The following UNC13A variants were observed in gnomAD, a reference collection of about 807,000 sequenced individuals.
The protein encoded by UNC13A is unc-13 homolog A, also known as protein unc-13 homolog A.
In UNC13A, 61 loss-of-function variants were observed where a neutral mutation model predicts 219.7. That is an observed-to-expected ratio of 0.28 (90% CI 0.23 to 0.34). UNC13A has a LOEUF of 0.34. Among genes scored for constraint, UNC13A ranks in the 10% least tolerant of loss-of-function variants. The pLI is 1.00. For synonymous variants in UNC13A, 920 were observed against 884.6 expected (o/e 1.04, Z -0.71); for missense variants, 1,476 against 2,270.3 (o/e 0.65, Z 7.11).
chr19:17,687,162 C>A (rs990644049), intron 1 of UNC13A, among the ~76,000 whole-genome samples: 1 of 152,152 alleles, frequency 6.6e-6, no homozygotes, highest in African/African-American at 2.4e-5. Flanking sequence ...GGGCTGGCTT[C>A]CCCACGACCC....
At position 17,666,696 on chromosome 19, in the gene UNC13A, G is replaced by T; in HGVS notation, c.477C>A (p.Phe159Leu). The change falls in exon 7 of 44, where the codon TTC (phenylalanine) becomes TTA (leucine). Residue 159 changes from phenylalanine to leucine, a missense_variant. By Grantham distance (22) the Phe-to-Leu change is conservative (BLOSUM62 0). Coordinates refer to ENST00000519716, the MANE Select transcript of UNC13A (RefSeq NM_001080421.3). ...GCAGAGGCTTGTCTTGCTCATCTTG[G>T]AACGAATACTGAAGGGGTGGAGGAA... The part of the protein sequence containing the change: ...NAMRDQDEYS[F>L]QDEQDKPLPV... 6.5e-7 allele frequency: 1 copy of T among 1,533,044 alleles called. No homozygotes were observed. Among genetic ancestry groups the T allele is most frequent in the East Asian group, 2.5e-5 (1 of 40,336 alleles). 95.0% of individuals were successfully genotyped at this position (1,533,044 alleles called of 1,614,324 possible).
chr19:17,628,322 A>AC, intron 31 of UNC13A: 2 of 160,604 alleles, frequency 1.2e-5, no homozygotes, highest in Admixed American at 6.8e-5. Flanking sequence ...GTGTGCCCTC[A>AC]CCCCGAGATA....
intron 19 of UNC13A, among the ~76,000 whole-genome samples, chr19:17,644,932 T>C (rs147050927): frequency 6.6e-5 from 10 of 151,986 alleles, no homozygotes; most frequent in Non-Finnish European, 1.3e-4. Context: ...ACTCAAGTGA[T>C]TGGCCTGCCT....
At chr19:17,662,084 A>C (rs959769061) in intron 8 of UNC13A, among the ~76,000 whole-genome samples, 3 of 152,104 alleles carry the variant, frequency 2.0e-5, no homozygotes, top group African/African-American at 7.2e-5. Context: ...TCTACTAAAA[A>C]TACAAAAAAT....
At chr19:17,646,588 G>A (rs1228470735) in intron 17 of UNC13A, among the ~76,000 whole-genome samples, 1 of 152,002 alleles carries the variant, frequency 6.6e-6, no homozygotes, top group Non-Finnish European at 1.5e-5. Flanking sequence ...TTGCGCATGG[G>A]TAGGACCTCT....
chr19:17,602,199 A>T lies in UNC13A; in HGVS notation c.*3855T>A, dbSNP rs537800196. ...CAAATCATTCGAGGACAGACTGGTAAGAGTGAACAGATCCTTCTTTCTTCA... is the reference window on the plus strand; with the variant it reads ...CAAATCATTCGAGGACAGACTGGTATGAGTGAACAGATCCTTCTTTCTTCA... On this transcript the variant is annotated 3_prime_UTR_variant, in exon 44 of 44. Transcript: ENST00000519716. 2.0e-5 allele frequency: 3 copies of T among 152,670 alleles called. No homozygotes were observed. The highest frequency in any genetic ancestry group is 4.8e-5 in the African/African-American group (2 of 41,416). The allele number at this position is 152,670 out of a possible 1,614,324, so 9.5% of individuals were successfully genotyped here.
chr19:17,632,697 G>C (rs890130619), intron 28 of UNC13A, 85 bp downstream of exon 28: 1 of 1,596,614 alleles, frequency 6.3e-7, no homozygotes, highest in Non-Finnish European at 8.5e-7. Flanking sequence ...GTAACCCTAA[G>C]TAGGTCAGTC....
At chr19:17,647,201 GGGCATGAGACA>G (rs1378137076) in intron 17 of UNC13A, 53 bp downstream of exon 17, 3 of 1,431,534 alleles carry the variant, frequency 2.1e-6, no homozygotes, top group Non-Finnish European at 2.9e-6. Context: ...CCATGGGACA[GGGCATGAGACA>G]GGTCTCAGAG....
At chr19:17,671,453 ATTGGG>A (rs1408764209) in intron 4 of UNC13A, among the ~76,000 whole-genome samples, 1 of 151,912 alleles carries the variant, frequency 6.6e-6, no homozygotes, top group Non-Finnish European at 1.5e-5. Flanking sequence ...GAGGCCAGGG[ATTGGG>A]CTGTGGGGAC....
chr19:17,630,166 G>A lies in UNC13A; in HGVS notation c.3648C>T (p.His1216=), dbSNP rs773702967. 2 of 1,552,040 alleles carry A rather than the reference G, an allele frequency of 1.3e-6. No individual in the cohort carries two copies. The highest frequency in any genetic ancestry group is 2.4e-5 in the South Asian group (2 of 84,062). Residue 1216 remains histidine (H), a synonymous_variant, in exon 30 of 44, where the codon CAC becomes CAT. Transcript: ENST00000519716. Reference sequence around the variant, plus strand: ...ACACCTTGGCAAAGCGCCTCATGTAGTGCCCCACGATCTGAGGGTCGGGAC... The same window carrying A: ...ACACCTTGGCAAAGCGCCTCATGTAATGCCCCACGATCTGAGGGTCGGGAC... ...LECPDPQIVG[H]YMRRFAKTIS... is the part of the protein sequence containing the mutation.
intron 38 of UNC13A, 141 bp downstream of exon 38, chr19:17,620,552 C>G: frequency 1.4e-6 from 1 of 705,066 alleles, no homozygotes; most frequent in African/African-American, 1.8e-5. Flanking sequence ...GCAAGCCAGA[C>G]AGACAAAGGA....
chr19:17,663,617 G>A, intron 7 of UNC13A, 50 bp from the exon 8 acceptor site: 3 of 1,565,162 alleles, frequency 1.9e-6, no homozygotes, highest in South Asian at 1.2e-5. Flanking sequence ...CAGAGGGGTG[G>A]GTGTAGGAAG....
chr19:17,677,369 CTTTTTTTTTT>C (rs1280178035), intron 1 of UNC13A, among the ~76,000 whole-genome samples: 1 of 89,340 alleles, frequency 1.1e-5, no homozygotes, highest in Non-Finnish European at 2.2e-5. Context: ...TTTTTTTTTT[CTTTTTTTTTT>C]TAGGGACGGA....
At position 17,674,564 on chromosome 19, in the gene UNC13A, C is replaced by T. The variant is rs766905188; in HGVS notation, c.152+93G>A. 3 of 1,122,362 alleles carry T rather than the reference C, an allele frequency of 2.7e-6. No homozygotes were observed. Among genetic ancestry groups the T allele is most frequent in the Non-Finnish European group, 4.0e-6 (3 of 754,612 alleles). The allele number at this position is 1,122,362 out of a possible 1,614,324, so 69.5% of individuals were successfully genotyped here. A position where few individuals can be genotyped will look rare whatever the true frequency, so the allele number is the denominator to read the frequency against. ...AGAGGGAGGACAGAGGGGAGTCACCCGGGATTCCCCAGTGTCCAGCTCTGC... is the reference window on the plus strand; with the variant it reads ...AGAGGGAGGACAGAGGGGAGTCACCTGGGATTCCCCAGTGTCCAGCTCTGC... On this transcript the variant is annotated intron_variant, in intron 3 of 43. Coordinates refer to ENST00000519716, the MANE Select transcript of UNC13A (RefSeq NM_001080421.3). The surrounding 1 kb of genome is among the most constrained non-coding windows in gnomAD (Gnocchi z 5.0).
chr19:17,667,404 A>G (rs1354791077), intron 6 of UNC13A, among the ~76,000 whole-genome samples: 5 of 152,224 alleles, frequency 3.3e-5, no homozygotes, highest in Admixed American at 1.3e-4. Flanking sequence ...GCATCATGCA[A>G]TATATTCGTG....
intron 41 of UNC13A, chr19:17,614,048 C>G (rs1473953018): frequency 6.6e-6 from 1 of 150,594 alleles, no homozygotes; most frequent in African/African-American, 2.5e-5. Flanking sequence ...GCTGTGTCAC[C>G]AGGCTGGAGT....
chr19:17,619,146 C>T, intron 38 of UNC13A, 184 bp from the exon 39 acceptor site: 2 of 614,928 alleles, frequency 3.3e-6, no homozygotes, highest in Admixed American at 5.6e-5. Flanking sequence ...CCTGAAAATC[C>T]CGGTCCTGTG....
At chr19:17,663,457 G>A (rs2079588003) in intron 8 of UNC13A, 75 bp downstream of exon 8, 1 of 1,538,362 alleles carries the variant, frequency 6.5e-7, no homozygotes. Context: ...GTGGTAGTGG[G>A]GAGGGGCCTT....
rs1267746507 is a variant in UNC13A at position 17,603,928 on chromosome 19, C to G, written c.*2126G>C. 4 of 152,010 alleles carry G rather than the reference C, an allele frequency of 2.6e-5. No individual in the cohort carries two copies. The highest frequency in any genetic ancestry group is 9.7e-5 in the African/African-American group (4 of 41,330). The allele number at this position is 152,010 out of a possible 1,614,324, so 9.4% of individuals were successfully genotyped here. On this transcript the variant is annotated 3_prime_UTR_variant, in exon 44 of 44. Transcript: ENST00000519716. ...CAGGGTTCAAACAATTCTCCCGCCT[C>G]AGTCTCCTGAGTAGCTGGGACTACA...
Sources: allele counts gnomAD v4.1 joint callset (sites outside exome capture counted in the v4.1 genomes callset), GRCh38; gene constraint gnomAD v4.1.1; non-coding constraint Gnocchi (gnomAD v3.1); transcripts MANE v1.5; gene names NCBI Gene and HGNC (gene_info 2026-07-23, HGNC 2026-07-21).